The following PCDH9 variants were observed in gnomAD, a reference collection of about 807,000 sequenced individuals.
The protein encoded by PCDH9 is protocadherin 9, also known as protocadherin-9.
A neutral mutation model predicts 70.6 loss-of-function variants in PCDH9; 24 were observed. The observed-to-expected ratio is 0.34, with a 90% CI of 0.25 to 0.48. The LOEUF is 0.48. Ranked by LOEUF, PCDH9 falls within the 20% of genes least tolerant of loss-of-function variation. The pLI is 0.99. For missense variants in PCDH9, 1,281 were observed against 1,503.6 expected, an observed-to-expected ratio of 0.85 and a Z score of 2.45; for synonymous variants, 562 against 558.5, an observed-to-expected ratio of 1.01 and a Z score of -0.09.
intron 2 of PCDH9, among the ~76,000 whole-genome samples, chr13:66,964,036 T>C (rs2083392697): frequency 6.6e-6 from 1 of 152,050 alleles, no homozygotes; most frequent in Admixed American, 6.6e-5. Context: ...AAATAATAGA[T>C]TAGATCTATG....
At position 66,825,630 on chromosome 13, in the gene PCDH9, C is replaced by T. The variant is rs529442473; in HGVS notation, c.3138+77874G>A. Among the ~76,000 whole-genome samples, 6 of 152,048 alleles carry T rather than the reference C, an allele frequency of 3.9e-5. No homozygotes were observed. In the South Asian group the frequency reaches 8.3e-4, roughly 21 times the overall value. On this transcript the variant is annotated intron_variant, in intron 3 of 4. Transcript: ENST00000377865. ...GATTACAGGCGTGAGCCACCGCGCC[C>T]GGCCAAAAACTTTTAAAAACTGTAA...
At chr13:66,864,936 A>C (rs944830215) in intron 3 of PCDH9, among the ~76,000 whole-genome samples, 1 of 152,254 alleles carries the variant, frequency 6.6e-6, no homozygotes, top group Non-Finnish European at 1.5e-5. Flanking sequence ...TGCCGTGGTG[A>C]GAACCTGCAG....
intron 4 of PCDH9, among the ~76,000 whole-genome samples, chr13:66,518,937 T>C (rs1370397203): frequency 2.0e-5 from 3 of 152,104 alleles, no homozygotes; most frequent in Non-Finnish European, 4.4e-5. Context: ...GTACAAGATA[T>C]CCAAACTAAA....
At chr13:66,397,574 C>A (rs1957124001) in intron 4 of PCDH9, among the ~76,000 whole-genome samples, 1 of 150,766 alleles carries the variant, frequency 6.6e-6, no homozygotes, top group Non-Finnish European at 1.5e-5. Context: ...TGTATACATA[C>A]ACAAAATATA....
At chr13:67,106,946 C>T (rs938918376) in intron 2 of PCDH9, among the ~76,000 whole-genome samples, 14 of 152,162 alleles carry the variant, frequency 9.2e-5, no homozygotes, top group East Asian at 5.8e-4. Context: ...ATTTGGGTGC[C>T]GAGGAGCAAG....
chr13:66,991,813 T>C (rs2084008864), intron 2 of PCDH9, among the ~76,000 whole-genome samples: 1 of 152,116 alleles, frequency 6.6e-6, no homozygotes, highest in Non-Finnish European at 1.5e-5. Context: ...TGAAGGATAC[T>C]AATAAATTTC....
At chr13:67,187,387 G>C (rs575107118) in intron 2 of PCDH9, among the ~76,000 whole-genome samples, 1 of 152,316 alleles carries the variant, frequency 6.6e-6, no homozygotes, top group South Asian at 2.1e-4. Flanking sequence ...GAATGGATTT[G>C]ATTTATATAG....
chr13:66,912,892 A>C (rs2082492707), intron 2 of PCDH9, among the ~76,000 whole-genome samples: 1 of 152,084 alleles, frequency 6.6e-6, no homozygotes, highest in Non-Finnish European at 1.5e-5. Flanking sequence ...TTAAAAGCCT[A>C]AATTGAATAT....
intron 4 of PCDH9, among the ~76,000 whole-genome samples, chr13:66,445,179 A>G (rs946074777): frequency 1.6e-4 from 24 of 147,062 alleles, no homozygotes; most frequent in Non-Finnish European, 4.5e-5. Context: ...TTATATATAT[A>G]TAAAATCACC....
At chr13:66,802,602 T>C (rs568300018) in intron 3 of PCDH9, among the ~76,000 whole-genome samples, 1 of 152,146 alleles carries the variant, frequency 6.6e-6, no homozygotes, top group Non-Finnish European at 1.5e-5. Context: ...TACACTTCAA[T>C]AGGGTGCTGT....
At chr13:66,877,877 C>T (rs1392235780) in intron 3 of PCDH9, among the ~76,000 whole-genome samples, 1 of 152,094 alleles carries the variant, frequency 6.6e-6, no homozygotes, top group Non-Finnish European at 1.5e-5. Flanking sequence ...GGAACACTTC[C>T]TCACTTCAAT....
chr13:66,390,438 G>T (rs987349820), intron 4 of PCDH9, among the ~76,000 whole-genome samples: 19 of 152,050 alleles, frequency 1.2e-4, no homozygotes, highest in Non-Finnish European at 1.2e-4. Flanking sequence ...TAGAGGTTTT[G>T]TAAAAATCTG....
rs564654826 is a variant in PCDH9, at chr13:66,460,310, C to T, written c.3341-155282G>A. On this transcript the variant is annotated intron_variant, in intron 4 of 4. Coordinates refer to ENST00000377865, the MANE Select transcript of PCDH9 (RefSeq NM_203487.3). ...AGATATCTAAATGCAGAACTGCTACCTTTTCTAATTTGAAGAGCTTTATCA... is the reference window on the plus strand; with the variant it reads ...AGATATCTAAATGCAGAACTGCTACTTTTTCTAATTTGAAGAGCTTTATCA... Among the ~76,000 whole-genome samples, 6 of 151,846 alleles carry T rather than the reference C, an allele frequency of 4.0e-5. No individual in the cohort carries two copies. The South Asian group carries it at 8.3e-4, about 21-fold the overall frequency.
At chr13:66,824,686 A>ATG (rs1204237868) in intron 3 of PCDH9, among the ~76,000 whole-genome samples, 7 of 56,558 alleles carry the variant, frequency 1.2e-4, no homozygotes, top group African/African-American at 3.1e-4. Flanking sequence ...ATATATATAT[A>ATG]TATATATATA....
intron 3 of PCDH9, among the ~76,000 whole-genome samples, chr13:66,675,141 A>AT (rs2078225401): frequency 6.6e-6 from 1 of 152,120 alleles, no homozygotes; most frequent in African/African-American, 2.4e-5. Flanking sequence ...TACAGTGAAG[A>AT]TTTTAAGATA....
intron 2 of PCDH9, among the ~76,000 whole-genome samples, chr13:67,038,930 C>CA: frequency 6.6e-6 from 1 of 152,196 alleles, no homozygotes; most frequent in Non-Finnish European, 1.5e-5. Flanking sequence ...TCTTGGTCGC[C>CA]AAAAAGACTA....
intron 3 of PCDH9, among the ~76,000 whole-genome samples, chr13:66,635,611 G>A (rs1221561863): frequency 2.0e-5 from 3 of 152,076 alleles, no homozygotes; most frequent in East Asian, 1.9e-4. Context: ...AGGAACATTC[G>A]AGATGCCTAA....
intron 3 of PCDH9, among the ~76,000 whole-genome samples, chr13:66,811,773 C>G (rs2080511964): frequency 6.6e-6 from 1 of 150,958 alleles, no homozygotes; most frequent in Admixed American, 6.6e-5. Flanking sequence ...CTCTCTCTCT[C>G]TCTCTCTTTT....
chr13:67,022,235 C>T (rs924146817), intron 2 of PCDH9, among the ~76,000 whole-genome samples: 4 of 147,524 alleles, frequency 2.7e-5, no homozygotes, highest in African/African-American at 1.0e-4. Context: ...TGGTTCTCCT[C>T]ACTCAGCCTC....
Sources: allele counts gnomAD v4.1 joint callset (sites outside exome capture counted in the v4.1 genomes callset), GRCh38; gene constraint gnomAD v4.1.1; transcripts MANE v1.5; gene names NCBI Gene and HGNC (gene_info 2026-07-23, HGNC 2026-07-21).